Variants in DVL3 observed in about 807,000 individuals in gnomAD.
DVL3 encodes dishevelled segment polarity protein 3, also known as segment polarity protein dishevelled homolog DVL-3.
A neutral mutation model predicts 67.4 loss-of-function variants in DVL3; 27 were observed. That is an observed-to-expected ratio of 0.40 (90% confidence interval 0.30 to 0.55). DVL3 has a LOEUF of 0.55. DVL3 is among the 20% of genes least tolerant of loss of function. The pLI, the probability that DVL3 is intolerant of heterozygous loss-of-function variation, is 0.46. For synonymous variants in DVL3, 369 were observed against 396.8 expected (o/e 0.93, Z 0.83); for missense variants, 819 against 1,021.5 (o/e 0.80, Z 2.70).
Position 184,167,737 on chromosome 3 carries a change from AG to A in DVL3, c.1330+29del. ...GTGAGAGAGCCCCATGGTGGGATGC[AG>A]GGTGGGTGGGGAGTGATGGGGCAGG... On this transcript the variant is annotated intron_variant, in intron 12 of 14. Transcript: ENST00000313143. This position sits in a 1 kb window ranked among gnomAD's most constrained non-coding sequence, Gnocchi z 4.6. 1 of 905,514 alleles carries A rather than the reference AG, an allele frequency of 1.1e-6. No homozygotes were observed. Among genetic ancestry groups the A allele is most frequent in the East Asian group, 4.0e-5 (1 of 25,300 alleles). 56.1% of individuals were successfully genotyped at this position (905,514 alleles called of 1,614,324 possible).
At position 184,164,643 on chromosome 3, in the gene DVL3, C is replaced by T. The variant is rs374043813; in HGVS notation, c.463+42C>T. On this transcript the variant is annotated intron_variant, in intron 4 of 14. Transcript: ENST00000313143. This position sits in a 1 kb window ranked among gnomAD's most constrained non-coding sequence, Gnocchi z 5.3. Reference sequence around the variant, plus strand: ...ACGGACACTGTCCGCACCTCACACCCTCCCCTCACTTTCCACCCAGCTACC... The same window carrying T: ...ACGGACACTGTCCGCACCTCACACCTTCCCCTCACTTTCCACCCAGCTACC... 8 of 1,550,296 alleles carry T rather than the reference C, an allele frequency of 5.2e-6. No individual in the cohort carries two copies. The South Asian group carries it at 8.6e-5, about 17-fold the overall frequency.
At chr3:184,156,376 T>A (rs1714189776) in intron 1 of DVL3, 2 of 456,460 alleles carry the variant, frequency 4.4e-6, no homozygotes, top group African/African-American at 4.0e-5. Flanking sequence ...GCCCTCTCCT[T>A]TGTGGGCTGT....
rs748987923 is a variant in DVL3, at chr3:184,165,143, C to T, written c.630C>T (p.Ala210=). The T allele has an allele frequency of 1.2e-6, 2 of 1,612,356 alleles. No homozygotes were observed. The highest frequency in any genetic ancestry group is 1.7e-6 in the Non-Finnish European group (2 of 1,179,364). Residue 210 remains alanine (A), a synonymous_variant, in exon 6 of 15, where the codon GCC becomes GCT. Transcript: ENST00000313143. This position sits in a 1 kb window ranked among gnomAD's most constrained non-coding sequence, Gnocchi z 4.1. Reference sequence around the variant, plus strand: ...GCAGCTCCACAGAACAGAGCAGTGCCTCACGCCTGATGAGAAGACACAAGC... The same window carrying T: ...GCAGCTCCACAGAACAGAGCAGTGCTTCACGCCTGATGAGAAGACACAAGC... ...RFSSSTEQSS[A]SRLMRRHKRR... is the part of the protein sequence containing the mutation.
chr3:184,165,569 AAT>A lies in DVL3; in HGVS notation c.763+81_763+82del. The A allele has an allele frequency of 7.7e-7, 1 of 1,303,846 alleles. No individual in the cohort carries two copies. The highest frequency in any genetic ancestry group is 1.1e-6 in the Non-Finnish European group (1 of 902,246). The allele number at this position is 1,303,846 out of a possible 1,614,324, so 80.8% of individuals were successfully genotyped here. A position where few individuals can be genotyped will look rare whatever the true frequency, so the allele number is the denominator to read the frequency against. ...GCAGACTTGAGTTCAGAGAGCGTAGAATATGTTCCCTGCCCTCAAGGAGCTCT... is the reference window on the plus strand; with the variant it reads ...GCAGACTTGAGTTCAGAGAGCGTAGAATGTTCCCTGCCCTCAAGGAGCTCT... On this transcript the variant is annotated intron_variant, in intron 7 of 14. Transcript: ENST00000313143. This position sits in a 1 kb window ranked among gnomAD's most constrained non-coding sequence, Gnocchi z 4.1.
chr3:184,164,029 G>A lies in DVL3; in HGVS notation c.232-238G>A, dbSNP rs1235849662. ...GCTCATCTCTGCCTTAGACCTCTGA[G>A]CCTTGTTCTTTGTCCCCATTCCACT... is the stretch of plus-strand genomic sequence containing the variant. On this transcript the variant is annotated intron_variant, in intron 2 of 14. Transcript: ENST00000313143. This position sits in a 1 kb window ranked among gnomAD's most constrained non-coding sequence, Gnocchi z 5.3. 6.6e-6 allele frequency among the ~76,000 whole-genome samples: 1 copy of A among 152,056 alleles called. No homozygotes were observed. Among genetic ancestry groups the A allele is most frequent in the Admixed American group, 6.6e-5 (1 of 15,260 alleles).
chr3:184,164,366 G>T lies in DVL3; in HGVS notation c.331G>T (p.Asp111Tyr), dbSNP rs1714487895. 6.2e-7 allele frequency: 1 copy of T among 1,613,902 alleles called. No homozygotes were observed. Among genetic ancestry groups the T allele is most frequent in the Admixed American group, 1.7e-5 (1 of 59,984 alleles). ...PPMERTGGIG[D>Y]SRPPSFHPHA... ...TATGGAGCGCACGGGAGGCATCGGGGACTCCCGACCCCCATCCTTCCAGTG... is the reference window on the plus strand; with the variant it reads ...TATGGAGCGCACGGGAGGCATCGGGTACTCCCGACCCCCATCCTTCCAGTG... The change falls in exon 3 of 15, where the codon GAC (aspartate) becomes TAC (tyrosine). Residue 111 changes from aspartate to tyrosine, a missense_variant. Around this residue, in one of 3 missense-constraint regions of DVL3, gnomAD observed 385 missense variants for 486.8 expected, o/e 0.79. Coordinates refer to ENST00000313143, the MANE Select transcript of DVL3 (RefSeq NM_004423.4). This position sits in a 1 kb window ranked among gnomAD's most constrained non-coding sequence, Gnocchi z 5.3.
rs1329175457 is a variant in DVL3 at position 184,172,218 on chromosome 3, AGACTTCCAG to A, written c.*1473_*1481del. ...ACAGGCCAGTTGAGGTTGGGCAAGGAGACTTCCAGGACTTCCAGACAGAGTACCAGGTTT... is the reference window on the plus strand; with the variant it reads ...ACAGGCCAGTTGAGGTTGGGCAAGGAGACTTCCAGACAGAGTACCAGGTTT... On this transcript the variant is annotated 3_prime_UTR_variant, in exon 15 of 15. Coordinates refer to ENST00000313143, the MANE Select transcript of DVL3 (RefSeq NM_004423.4). 6.6e-6 allele frequency: 1 copy of A among 151,894 alleles called. No homozygotes were observed. The highest frequency in any genetic ancestry group is 6.5e-5 in the Admixed American group (1 of 15,276). The allele number at this position is 151,894 out of a possible 1,614,324, so 9.4% of individuals were successfully genotyped here. A position where few individuals can be genotyped will look rare whatever the true frequency, so the allele number is the denominator to read the frequency against.
In DVL3 at chr3:184,171,376, C is replaced by G. The variant is rs904730061; in HGVS notation, c.*621C>G. The stretch of plus-strand genomic sequence containing the variant: ...TGCCTAGATCAGAGGCCCAGAGGGC[C>G]CCCTCAGTTGCCTGAGCAGCTGGTG... On this transcript the variant is annotated 3_prime_UTR_variant, in exon 15 of 15. Transcript: ENST00000313143. 31 of 1,000,742 alleles carry G rather than the reference C, an allele frequency of 3.1e-5. No individual in the cohort carries two copies. The highest frequency in any genetic ancestry group is 3.5e-5 in the African/African-American group (2 of 57,328). 62.0% of individuals were successfully genotyped at this position (1,000,742 alleles called of 1,614,324 possible). A position where few individuals can be genotyped will look rare whatever the true frequency, so the allele number is the denominator to read the frequency against.
chr3:184,171,700 T>C lies in DVL3; in HGVS notation c.*945T>C. On this transcript the variant is annotated 3_prime_UTR_variant, in exon 15 of 15. Coordinates refer to ENST00000313143, the MANE Select transcript of DVL3 (RefSeq NM_004423.4). Reference sequence around the variant, plus strand: ...ATGTCCAGCCCCCACACCCACACGTTAACATAATGAGTCACTAGGCTTCTG... The same window carrying C: ...ATGTCCAGCCCCCACACCCACACGTCAACATAATGAGTCACTAGGCTTCTG... 1.6e-6 allele frequency: 1 copy of C among 637,358 alleles called. No homozygotes were observed. The highest frequency in any genetic ancestry group is 2.0e-6 in the Non-Finnish European group (1 of 511,670). 39.5% of individuals were successfully genotyped at this position (637,358 alleles called of 1,614,324 possible).
In DVL3 at chr3:184,167,822, AG is replaced by A. The variant is rs1213123137; in HGVS notation, c.1331-75del. 6.2e-7 allele frequency: 1 copy of A among 1,608,238 alleles called. No individual in the cohort carries two copies. Among genetic ancestry groups the A allele is most frequent in the Admixed American group, 1.7e-5 (1 of 59,390 alleles). On this transcript the variant is annotated intron_variant, in intron 12 of 14. Transcript: ENST00000313143. This position sits in a 1 kb window ranked among gnomAD's most constrained non-coding sequence, Gnocchi z 4.6. ...CTTCCTTTGATCTGGAGCCAGCCCC[AG>A]CCTCATAGCTTCTGTGAGGCCAGAT...
chr3:184,155,704 G>A lies in DVL3; in HGVS notation c.69G>A (p.Leu23=), dbSNP rs780509274. 6.2e-7 allele frequency: 1 copy of A among 1,613,226 alleles called. No individual in the cohort carries two copies. Among genetic ancestry groups the A allele is most frequent in the Non-Finnish European group, 8.5e-7 (1 of 1,179,842 alleles). Residue 23 remains leucine (L), a synonymous_variant, in exon 1 of 15, where the codon CTG becomes CTA. Transcript: ENST00000313143. This position sits in a 1 kb window ranked among gnomAD's most constrained non-coding sequence, Gnocchi z 5.4. ...QETPYLVKLP[L]PAERVTLADF... is the part of the protein sequence containing the mutation. ...CGCCGTACCTTGTGAAGCTGCCCCT[G>A]CCCGCCGAGCGCGTCACCTTGGCGG...
chr3:184,165,040 A>G lies in DVL3; in HGVS notation c.600-73A>G. 1 of 1,608,352 alleles carries G rather than the reference A, an allele frequency of 6.2e-7. No homozygotes were observed. The highest frequency in any genetic ancestry group is 1.1e-5 in the South Asian group (1 of 90,508). On this transcript the variant is annotated intron_variant, in intron 5 of 14. Coordinates refer to ENST00000313143, the MANE Select transcript of DVL3 (RefSeq NM_004423.4). The surrounding 1 kb of genome is among the most constrained non-coding windows in gnomAD (Gnocchi z 4.1). ...CTTATGGGCTTTGTGTTGGGGACCC[A>G]GGCCCTGCAGTGCCTCCCCTCATGG...
Position 184,171,734 on chromosome 3 carries a change from C to T in DVL3, c.*979C>T, listed in dbSNP as rs764071964. ...GAGTCACTAGGCTTCTGGGGAGGGC[C>T]CAACTTCACCCATGCATGAGAGACT... On this transcript the variant is annotated 3_prime_UTR_variant, in exon 15 of 15. Transcript: ENST00000313143. 2 of 329,600 alleles carry T rather than the reference C, an allele frequency of 6.1e-6. No individual in the cohort carries two copies. Among genetic ancestry groups the T allele is most frequent in the Non-Finnish European group, 8.7e-6 (2 of 229,808 alleles). 20.4% of individuals were successfully genotyped at this position (329,600 alleles called of 1,614,324 possible).
chr3:184,166,747 C>G lies in DVL3; in HGVS notation c.1048+74C>G, dbSNP rs1714604376. 1.2e-6 allele frequency: 2 copies of G among 1,612,684 alleles called. No homozygotes were observed. The highest frequency in any genetic ancestry group is 1.7e-6 in the Non-Finnish European group (2 of 1,179,154). The stretch of plus-strand genomic sequence containing the variant: ...GCACTGTCTCTCCTTTCTTCTCTCA[C>G]CCAGAACCCCCATATCTATCCTGTT... On this transcript the variant is annotated intron_variant, in intron 10 of 14. Transcript: ENST00000313143. This position sits in a 1 kb window ranked among gnomAD's most constrained non-coding sequence, Gnocchi z 6.7.
intron 13 of DVL3, 69 bp from the exon 14 acceptor site, chr3:184,169,937 G>T: frequency 7.2e-7 from 1 of 1,394,768 alleles, no homozygotes; most frequent in Non-Finnish European, 9.8e-7. Flanking sequence ...CTCATCCAGA[G>T]CCCACCTGAC....
intron 13 of DVL3, among the ~76,000 whole-genome samples, 164 bp from the exon 14 acceptor site, chr3:184,169,842 G>A (rs1714741296): frequency 6.6e-6 from 1 of 152,162 alleles, no homozygotes. Flanking sequence ...GGCTGGCTCT[G>A]GTGGTGGCAA....
Position 184,170,218 on chromosome 3 carries a change from G to A in DVL3, c.1711G>A (p.Glu571Lys). Reference protein sequence around the residue: ...GGGSASSQHSEGSRSSGSNRS... With the variant: ...GGGSASSQHSKGSRSSGSNRS... ...GGGCAGCGCCAGCAGTCAGCACAGC[G>A]AAGGTAAGGTAGAGGGGCCGTGGAG... The change falls in exon 14 of 15, where the codon GAA becomes AAA. Residue 571 changes from glutamate to lysine, a missense_variant. Physicochemically the swap from Glu to Lys is moderately conservative, Grantham distance 56 (BLOSUM62 1). Around this residue, in one of 3 missense-constraint regions of DVL3, gnomAD observed 324 missense variants for 331.3 expected, o/e 0.98. Transcript: ENST00000313143. This position sits in a 1 kb window ranked among gnomAD's most constrained non-coding sequence, Gnocchi z 6.5. 1.2e-6 allele frequency: 2 copies of A among 1,611,844 alleles called. No individual in the cohort carries two copies. Among genetic ancestry groups the A allele is most frequent in the Non-Finnish European group, 1.7e-6 (2 of 1,179,652 alleles).
rs201100826 is a variant in DVL3, at chr3:184,164,353, G to A, written c.318G>A (p.Thr106=). 39 of 1,614,054 alleles carry A rather than the reference G, an allele frequency of 2.4e-5. No homozygotes were observed. Among genetic ancestry groups the A allele is most frequent in the African/African-American group, 1.9e-4 (14 of 75,014 alleles). ...AGCTGCCACCACCTATGGAGCGCAC[G>A]GGAGGCATCGGGGACTCCCGACCCC... is the stretch of plus-strand genomic sequence containing the variant. ...PSELPPPMER[T]GGIGDSRPPS... Residue 106 remains threonine (T), a synonymous_variant, in exon 3 of 15, where the codon ACG becomes ACA. Coordinates refer to ENST00000313143, the MANE Select transcript of DVL3 (RefSeq NM_004423.4). This position sits in a 1 kb window ranked among gnomAD's most constrained non-coding sequence, Gnocchi z 5.3.
chr3:184,169,909 G>A, intron 13 of DVL3, 97 bp from the exon 14 acceptor site: 1 of 1,173,320 alleles, frequency 8.5e-7, no homozygotes. Flanking sequence ...ATTCTAGCCA[G>A]AAACTACCAC....
Sources: gnomAD v4.1 joint callset for allele counts (sites outside exome capture counted in the v4.1 genomes callset) on GRCh38, gnomAD v4.1.1 for gene constraint, gnomAD v4.1.1 regional missense constraint, Gnocchi (gnomAD v3.1) non-coding constraint, MANE v1.5 for transcripts, NCBI Gene and HGNC (gene_info 2026-07-23, HGNC 2026-07-21) for gene names.